BANK1: variants seen among roughly 807,000 people sequenced by gnomAD.
The protein encoded by BANK1 is B-cell scaffold protein with ankyrin repeats.
BANK1 carries 95 observed loss-of-function variants against 94.5 expected under a neutral mutation model. The observed-to-expected ratio is 1.00, with a 90% confidence interval of 0.85 to 1.19. The LOEUF (loss-of-function observed/expected upper bound fraction) is 1.19, where lower values mean the gene tolerates loss of function less well. Among genes scored for constraint, BANK1 ranks in the 50% most tolerant of loss-of-function variants. The probability of loss-of-function intolerance (pLI) is 0.00; values close to 1 mark genes in which losing one functional copy is unlikely to be tolerated. For synonymous variants in BANK1, 334 were observed against 308.4 expected (o/e 1.08, Z -0.87); for missense variants, 987 against 932.2 (o/e 1.06, Z -0.77).
intron 1 of BANK1, among the ~76,000 whole-genome samples, chr4:101,792,761 GACA>G (rs1276683710): frequency 6.6e-6 from 1 of 152,132 alleles, no homozygotes; most frequent in African/African-American, 2.4e-5. Flanking sequence ...TGTACTGCTA[GACA>G]ACATTAGTGT....
intron 11 of BANK1, among the ~76,000 whole-genome samples, chr4:102,054,522 T>C (rs1209513686): frequency 6.6e-6 from 1 of 152,030 alleles, no homozygotes; most frequent in Non-Finnish European, 1.5e-5. Flanking sequence ...ATCTCCCTCA[T>C]AAAAAGATAC....
intron 5 of BANK1, among the ~76,000 whole-genome samples, chr4:101,887,631 C>T (rs1728903520): frequency 1.3e-5 from 2 of 152,174 alleles, no homozygotes; most frequent in South Asian, 4.1e-4. Flanking sequence ...CATTTAAATG[C>T]AGATTCCTTG....
intron 13 of BANK1, among the ~76,000 whole-genome samples, chr4:102,068,356 AAG>A (rs1728655710): frequency 6.6e-6 from 1 of 152,174 alleles, no homozygotes; most frequent in African/African-American, 2.4e-5. Flanking sequence ...TAAAAAAGGA[AAG>A]AGATAAACAA....
At chr4:102,010,816 A>G (rs1200973119) in intron 7 of BANK1, among the ~76,000 whole-genome samples, 1 of 152,240 alleles carries the variant, frequency 6.6e-6, no homozygotes, top group Non-Finnish European at 1.5e-5. Flanking sequence ...CACTTAGTTA[A>G]TAAATGCAAA....
chr4:102,042,066 C>A (rs1167841092), intron 10 of BANK1, among the ~76,000 whole-genome samples: 2 of 151,788 alleles, frequency 1.3e-5, no homozygotes, highest in Non-Finnish European at 2.9e-5. Context: ...AGGTCATTTC[C>A]CATATGAATG....
At chr4:101,946,745 G>A (rs1007274635) in intron 7 of BANK1, among the ~76,000 whole-genome samples, 1 of 151,910 alleles carries the variant, frequency 6.6e-6, no homozygotes, top group Non-Finnish European at 1.5e-5. Flanking sequence ...TGCCAAGTTA[G>A]ATAAATACCT....
intron 7 of BANK1, among the ~76,000 whole-genome samples, chr4:101,980,215 A>G (rs2148927056): frequency 6.6e-6 from 1 of 152,018 alleles, no homozygotes; most frequent in East Asian, 1.9e-4. Context: ...AAATTACTCA[A>G]GAGACTCTAA....
chr4:101,895,879 A>G (rs1042646646), intron 6 of BANK1, among the ~76,000 whole-genome samples: 1 of 151,864 alleles, frequency 6.6e-6, no homozygotes, highest in Non-Finnish European at 1.5e-5. Flanking sequence ...AAAGCAGGCT[A>G]TGTAGCAGAG....
intron 1 of BANK1, among the ~76,000 whole-genome samples, chr4:101,803,118 A>AC (rs1725411494): frequency 6.6e-6 from 1 of 152,210 alleles, no homozygotes; most frequent in South Asian, 2.1e-4. Context: ...TGTTGTCTCA[A>AC]CATTGATAGA....
intron 2 of BANK1, among the ~76,000 whole-genome samples, chr4:101,841,361 A>G (rs1727036685): frequency 6.6e-6 from 1 of 152,190 alleles, no homozygotes; most frequent in Admixed American, 6.5e-5. Flanking sequence ...GAATCATAAT[A>G]TGTTAGAGGA....
chr4:102,042,550 G>A (rs1003522090), intron 10 of BANK1, among the ~76,000 whole-genome samples: 3 of 151,920 alleles, frequency 2.0e-5, no homozygotes, highest in Non-Finnish European at 2.9e-5. Context: ...ATCAGATGGG[G>A]GGAAATTTTC....
intron 2 of BANK1, among the ~76,000 whole-genome samples, chr4:101,852,825 C>A (rs1001481112): frequency 3.9e-5 from 6 of 151,980 alleles, no homozygotes; most frequent in Admixed American, 3.9e-4. Flanking sequence ...TCTTTTTGTA[C>A]ATTTGTGATT....
At position 101,897,320 on chromosome 4, in the gene BANK1, G is replaced by A. The variant is rs72686753; in HGVS notation, c.1009+1910G>A. Among the ~76,000 whole-genome samples, 501 of 152,078 alleles carry A rather than the reference G, an allele frequency of 3.3e-3. 2 individuals are homozygous for A. The highest frequency in any genetic ancestry group is 7.8e-3 in the Admixed American group (119 of 15,238). ...TGCTTAGATTTCTGGAATCAAAATT[G>A]TGGAGATGGAGAAGATGGCATGGTT... On this transcript the variant is annotated intron_variant, in intron 6 of 16. Coordinates refer to ENST00000322953, the MANE Select transcript of BANK1 (RefSeq NM_017935.5).
intron 11 of BANK1, among the ~76,000 whole-genome samples, chr4:102,047,961 A>G (rs910098520): frequency 6.6e-6 from 1 of 152,172 alleles, no homozygotes; most frequent in African/African-American, 2.4e-5. Context: ...GGACCTAATT[A>G]TGCAATATTG....
intron 1 of BANK1, among the ~76,000 whole-genome samples, chr4:101,825,315 T>C (rs1295269695): frequency 1.3e-5 from 2 of 152,138 alleles, no homozygotes; most frequent in African/African-American, 4.8e-5. Flanking sequence ...AATTCAAATG[T>C]ATAAAATGAA....
chr4:101,888,282 G>A (rs4698978), intron 5 of BANK1, among the ~76,000 whole-genome samples: 21 of 151,954 alleles, frequency 1.4e-4, no homozygotes, highest in Admixed American at 5.2e-4. Flanking sequence ...GACATATCAC[G>A]TGAGAGAGTT....
At chr4:101,930,459 G>A (rs1723301365) in intron 7 of BANK1, among the ~76,000 whole-genome samples, 2 of 151,434 alleles carry the variant, frequency 1.3e-5, no homozygotes, top group Non-Finnish European at 3.0e-5. Flanking sequence ...ATAAACAAGG[G>A]AGGGAGTGTT....
intron 6 of BANK1, among the ~76,000 whole-genome samples, chr4:101,909,213 TA>T (rs1164877092): frequency 6.6e-6 from 1 of 151,968 alleles, no homozygotes; most frequent in Non-Finnish European, 1.5e-5. Context: ...TATGCAGCCA[TA>T]AAAAAGGATG....
At chr4:101,871,308 G>A (rs1728278333) in intron 5 of BANK1, among the ~76,000 whole-genome samples, 1 of 151,882 alleles carries the variant, frequency 6.6e-6, no homozygotes, top group African/African-American at 2.4e-5. Flanking sequence ...TTTTGCGTGG[G>A]TGAGAGGTAG....
Sources: allele counts gnomAD v4.1 joint callset (sites outside exome capture counted in the v4.1 genomes callset), GRCh38; gene constraint gnomAD v4.1.1; transcripts MANE v1.5; gene names NCBI Gene and HGNC (gene_info 2026-07-23, HGNC 2026-07-21).